Variants in PDE4B observed in about 807,000 individuals in gnomAD.
PDE4B encodes 3',5'-cyclic-AMP phosphodiesterase 4B.
A neutral mutation model predicts 82.2 loss-of-function variants in PDE4B; 20 were observed. That is an observed-to-expected ratio of 0.24 (90% CI 0.17 to 0.35). The LOEUF is 0.35. Ranked by LOEUF, PDE4B falls within the 10% of genes least tolerant of loss-of-function variation. The pLI, the probability that PDE4B is intolerant of heterozygous loss-of-function variation, is 1.00. For missense variants in PDE4B, 655 were observed against 907.2 expected, an observed-to-expected ratio of 0.72 and a Z score of 3.57; for synonymous variants, 320 against 318.9, an observed-to-expected ratio of 1.00 and a Z score of -0.04.
intron 12 of PDE4B, among the ~76,000 whole-genome samples, chr1:66,365,430 C>A (rs1300275311): frequency 6.6e-6 from 1 of 152,164 alleles, no homozygotes; most frequent in Non-Finnish European, 1.5e-5. Context: ...TAATATCTTT[C>A]CAAGCATCAG....
At chr1:66,100,059 T>C (rs148768426) in intron 3 of PDE4B, among the ~76,000 whole-genome samples, 1 of 152,212 alleles carries the variant, frequency 6.6e-6, no homozygotes, top group Non-Finnish European at 1.5e-5. Flanking sequence ...CAGACACATA[T>C]ATATGTACAT....
At chr1:65,831,158 C>T (rs1646077610) in intron 1 of PDE4B, among the ~76,000 whole-genome samples, 3 of 151,604 alleles carry the variant, frequency 2.0e-5, no homozygotes, top group South Asian at 4.2e-4. Flanking sequence ...AAGTTAAAAA[C>T]AAAGCAAGCA....
intron 3 of PDE4B, among the ~76,000 whole-genome samples, chr1:66,145,414 T>G (rs1368920182): frequency 6.6e-6 from 1 of 152,136 alleles, no homozygotes; most frequent in Admixed American, 6.6e-5. Flanking sequence ...GTTGCAACAG[T>G]GGGCAAGGCT....
rs556980910 is a variant in PDE4B at position 66,181,809 on chromosome 1, C to T, written c.282-65651C>T. On this transcript the variant is annotated intron_variant, in intron 3 of 16. Transcript: ENST00000341517. ...TCTGGTTAGAGTGTTCTATGCCTAG[C>T]TTTCCTAGGGAACTTTAAAAACGAA... 9.2e-5 allele frequency among the ~76,000 whole-genome samples: 14 copies of T among 152,192 alleles called. 1 individual carries two copies. The South Asian group carries it at 2.7e-3, about 29-fold the overall frequency.
chr1:65,830,206 A>G (rs1646066745), intron 1 of PDE4B, among the ~76,000 whole-genome samples: 1 of 152,208 alleles, frequency 6.6e-6, no homozygotes, highest in South Asian at 2.1e-4. Flanking sequence ...ACACAAGTAT[A>G]AAATAAATAC....
chr1:65,954,552 C>A (rs1649161043), intron 3 of PDE4B, among the ~76,000 whole-genome samples: 1 of 152,050 alleles, frequency 6.6e-6, no homozygotes. Context: ...AAGTATTTAA[C>A]TTAAGCAAGT....
chr1:66,234,881 T>A (rs1251243848), intron 3 of PDE4B, among the ~76,000 whole-genome samples: 1 of 152,232 alleles, frequency 6.6e-6, no homozygotes, highest in Non-Finnish European at 1.5e-5. Flanking sequence ...TCTATTTTTT[T>A]AATAAAGGTA....
Position 66,314,097 on chromosome 1 carries a change from A to G in PDE4B, c.635-18411A>G, listed in dbSNP as rs549721013. Among the ~76,000 whole-genome samples the G allele has an allele frequency of 2.6e-5, 4 of 152,202 alleles. No individual in the cohort carries two copies. The South Asian group carries it at 8.3e-4, about 32-fold the overall frequency. On this transcript the variant is annotated intron_variant, in intron 7 of 16. Coordinates refer to ENST00000341517, the MANE Select transcript of PDE4B (RefSeq NM_002600.4). ...TCGTCTCTCCAGTCCTCCATATCCCATCCCTTAAACATATACTTTTTCCTT... is the reference window on the plus strand; with the variant it reads ...TCGTCTCTCCAGTCCTCCATATCCCGTCCCTTAAACATATACTTTTTCCTT...
intron 3 of PDE4B, among the ~76,000 whole-genome samples, chr1:65,951,309 A>G (rs1648981311): frequency 6.6e-6 from 1 of 152,090 alleles, no homozygotes; most frequent in Non-Finnish European, 1.5e-5. Context: ...ATTTCTTTAT[A>G]CTAATACACG....
At chr1:66,124,248 C>T (rs1043205123) in intron 3 of PDE4B, among the ~76,000 whole-genome samples, 21 of 152,112 alleles carry the variant, frequency 1.4e-4, no homozygotes, top group African/African-American at 5.1e-4. Context: ...GTTGCCATAG[C>T]TTGAAATGGA....
intron 3 of PDE4B, among the ~76,000 whole-genome samples, chr1:66,204,516 G>T (rs1190929860): frequency 6.6e-6 from 1 of 152,250 alleles, no homozygotes; most frequent in Non-Finnish European, 1.5e-5. Context: ...CTTCCTGGCT[G>T]CTTTGTTTAC....
chr1:66,343,723 A>G (rs767032383), intron 8 of PDE4B, among the ~76,000 whole-genome samples: 1 of 152,196 alleles, frequency 6.6e-6, no homozygotes, highest in Non-Finnish European at 1.5e-5. Context: ...GGTTTATTTT[A>G]AAAAGCTGTC....
At chr1:66,011,040 T>C (rs1363839079) in intron 3 of PDE4B, among the ~76,000 whole-genome samples, 3 of 151,870 alleles carry the variant, frequency 2.0e-5, no homozygotes, top group Non-Finnish European at 4.4e-5. Context: ...TTTGTCTATT[T>C]TTTTCACTCA....
intron 3 of PDE4B, among the ~76,000 whole-genome samples, chr1:65,991,484 C>T (rs1488864290): frequency 2.6e-5 from 4 of 152,128 alleles, no homozygotes; most frequent in Admixed American, 1.3e-4. Flanking sequence ...TCTTTTCTGT[C>T]ACTCTTGCTG....
chr1:66,083,244 C>T, intron 3 of PDE4B, among the ~76,000 whole-genome samples: 1 of 152,086 alleles, frequency 6.6e-6, no homozygotes, highest in East Asian at 1.9e-4. Flanking sequence ...GCTTGTGCCT[C>T]CTCTGTCAAG....
intron 1 of PDE4B, among the ~76,000 whole-genome samples, chr1:65,818,703 T>TATAA (rs1191617809): frequency 4.0e-5 from 6 of 148,832 alleles, no homozygotes; most frequent in Non-Finnish European, 7.4e-5. Context: ...TATATATATA[T>TATAA]AAAATAACAA....
intron 1 of PDE4B, among the ~76,000 whole-genome samples, chr1:65,895,618 C>T (rs888601967): frequency 2.7e-5 from 4 of 150,190 alleles, no homozygotes; most frequent in Admixed American, 1.3e-4. Flanking sequence ...GAACATTGAC[C>T]GTGTTTCTCA....
At chr1:65,964,630 A>G (rs1231533671) in intron 3 of PDE4B, among the ~76,000 whole-genome samples, 1 of 152,188 alleles carries the variant, frequency 6.6e-6, no homozygotes, top group East Asian at 1.9e-4. Context: ...CTAGAGCATT[A>G]TTTAAATTTT....
chr1:66,136,683 G>A (rs966801621), intron 3 of PDE4B, among the ~76,000 whole-genome samples: 1 of 110,878 alleles, frequency 9.0e-6, no homozygotes, highest in African/African-American at 3.7e-5. Context: ...GAACGACAGA[G>A]CAAGACTCCC....
Sources: gnomAD v4.1 joint callset for allele counts (sites outside exome capture counted in the v4.1 genomes callset) on GRCh38, gnomAD v4.1.1 for gene constraint, MANE v1.5 for transcripts, NCBI Gene and HGNC (gene_info 2026-07-23, HGNC 2026-07-21) for gene names.